Variants in PREX1 observed in about 807,000 individuals in gnomAD.
PREX1 encodes the protein phosphatidylinositol 3,4,5-trisphosphate-dependent Rac exchanger 1 protein.
Under a neutral mutation model 198.3 loss-of-function variants are expected in PREX1, and 41 were observed. The observed-to-expected ratio is 0.21, with a 90% CI of 0.16 to 0.27. PREX1 has a LOEUF of 0.27. Ranked by LOEUF, PREX1 falls within the 10% of genes least tolerant of loss-of-function variation. The pLI is 1.00. For missense variants in PREX1, 1,620 were observed against 2,200.7 expected (o/e 0.74, Z 5.28); for synonymous variants, 843 against 887.2 (o/e 0.95, Z 0.89).
chr20:48,697,481 A>G (rs1392603814), intron 7 of PREX1, among the ~76,000 whole-genome samples: 1 of 151,718 alleles, frequency 6.6e-6, no homozygotes, highest in African/African-American at 2.4e-5. Context: ...CCTGGGTTCA[A>G]GTGATTCTCC....
At chr20:48,825,812 T>G (rs535674750) in intron 1 of PREX1, among the ~76,000 whole-genome samples, 3 of 151,856 alleles carry the variant, frequency 2.0e-5, no homozygotes, top group African/African-American at 7.2e-5. Flanking sequence ...GTTGTCTACA[T>G]GTTTAATTCA....
chr20:48,781,935 T>C (rs2090291653), intron 1 of PREX1, among the ~76,000 whole-genome samples: 1 of 152,192 alleles, frequency 6.6e-6, no homozygotes, highest in Admixed American at 6.5e-5. Flanking sequence ...CATGTTACAA[T>C]TGAGGAAATG....
the PREX1 span, among the ~76,000 whole-genome samples, chr20:48,870,394 C>T: frequency 2.6e-5 from 4 of 152,180 alleles, no homozygotes; most frequent in African/African-American, 9.7e-5. Context: ...CTCAAGTTGC[C>T]CAGGACTTGA....
intron 15 of PREX1, among the ~76,000 whole-genome samples, chr20:48,661,835 TCTC>T (rs955264478): frequency 3.3e-5 from 5 of 151,888 alleles, no homozygotes; most frequent in African/African-American, 1.2e-4. Context: ...GCCTCCTTCC[TCTC>T]CTCCTCCTCT....
intron 1 of PREX1, among the ~76,000 whole-genome samples, chr20:48,824,747 G>C (rs1157098327): frequency 6.6e-6 from 1 of 152,136 alleles, no homozygotes; most frequent in African/African-American, 2.4e-5. Flanking sequence ...TCTGGCTCCA[G>C]AGCCTTGCAC....
intron 1 of PREX1, among the ~76,000 whole-genome samples, chr20:48,780,282 T>C (rs1163705723): frequency 6.6e-6 from 1 of 152,056 alleles, no homozygotes; most frequent in Non-Finnish European, 1.5e-5. Context: ...AAATACAAGA[T>C]GAGCCAGAAT....
chr20:48,783,972 A>G (rs1308801150), intron 1 of PREX1, among the ~76,000 whole-genome samples: 1 of 152,224 alleles, frequency 6.6e-6, no homozygotes, highest in Non-Finnish European at 1.5e-5. Context: ...ACGGAAAGCA[A>G]ATCAGTTGCA....
intron 1 of PREX1, among the ~76,000 whole-genome samples, chr20:48,774,701 G>C (rs1390322180): frequency 2.0e-5 from 3 of 152,226 alleles, no homozygotes; most frequent in Non-Finnish European, 4.4e-5. Flanking sequence ...CTTTGCCAGG[G>C]AAGCTGGAAG....
chr20:48,686,450 A>C (rs2089785032), intron 10 of PREX1, among the ~76,000 whole-genome samples: 1 of 152,194 alleles, frequency 6.6e-6, no homozygotes, highest in South Asian at 2.1e-4. Flanking sequence ...CAGTAAAAGA[A>C]ATCTCTCTAA....
intron 5 of PREX1, among the ~76,000 whole-genome samples, chr20:48,711,292 T>C (rs1184533075): frequency 6.6e-6 from 1 of 152,152 alleles, no homozygotes; most frequent in Non-Finnish European, 1.5e-5. Flanking sequence ...AGCCTGCTTG[T>C]AGGCATGTCC....
At chr20:48,876,922 G>C in the PREX1 span, among the ~76,000 whole-genome samples, 2 of 152,074 alleles carry the variant, frequency 1.3e-5, no homozygotes, top group Admixed American at 1.3e-4. Flanking sequence ...CCTCATTCAG[G>C]ATTCTTTCAG....
At chr20:48,813,036 G>A (rs1009476507) in intron 1 of PREX1, among the ~76,000 whole-genome samples, 1 of 152,142 alleles carries the variant, frequency 6.6e-6, no homozygotes, top group Admixed American at 6.5e-5. Context: ...GTCATACGTG[G>A]TGGGCGTCCT....
intron 25 of PREX1, among the ~76,000 whole-genome samples, chr20:48,647,739 G>T (rs1485011446): frequency 6.6e-6 from 1 of 152,066 alleles, no homozygotes; most frequent in East Asian, 1.9e-4. Flanking sequence ...CAGGCCTCCT[G>T]GCTCTAGAGT....
At chr20:48,689,612 A>G (rs535800605) in intron 9 of PREX1, among the ~76,000 whole-genome samples, 1 of 152,270 alleles carries the variant, frequency 6.6e-6, no homozygotes, top group Admixed American at 6.5e-5. Context: ...AAAGACCACA[A>G]AGATACTGAT....
At chr20:48,746,890 T>C (rs943019481) in intron 2 of PREX1, among the ~76,000 whole-genome samples, 1 of 151,084 alleles carries the variant, frequency 6.6e-6, no homozygotes, top group East Asian at 1.9e-4. Context: ...ATTTGCTGAA[T>C]GAATGAGTGA....
chr20:48,643,670 T>C (rs1423777920), intron 27 of PREX1, among the ~76,000 whole-genome samples: 5 of 151,882 alleles, frequency 3.3e-5, no homozygotes, highest in African/African-American at 1.2e-4. Flanking sequence ...CTTTTTGTTG[T>C]TTGTTTGTTT....
intron 39 of PREX1, among the ~76,000 whole-genome samples, chr20:48,626,179 G>A (rs921988051): frequency 3.9e-5 from 6 of 152,224 alleles, no homozygotes; most frequent in Non-Finnish European, 5.9e-5. Context: ...GCACGTGTGC[G>A]TTCAGCCATG....
chr20:48,811,366 G>A (rs1433078197), intron 1 of PREX1, among the ~76,000 whole-genome samples: 2 of 152,118 alleles, frequency 1.3e-5, no homozygotes, highest in Non-Finnish European at 2.9e-5. Context: ...ACCCACATAT[G>A]AGCCTAACCT....
intron 1 of PREX1, among the ~76,000 whole-genome samples, chr20:48,810,585 TA>T (rs760906489): frequency 0.016 from 1,269 of 77,576 alleles, 9 homozygotes; most frequent in Admixed American, 0.039. Flanking sequence ...TCACCTCAAT[TA>T]AAAAAAAAAA....
Sources: allele counts gnomAD v4.1 joint callset (sites outside exome capture counted in the v4.1 genomes callset), GRCh38; gene constraint gnomAD v4.1.1; transcripts MANE v1.5; gene names NCBI Gene and HGNC (gene_info 2026-07-23, HGNC 2026-07-21).